ZCCHC14: variants seen among roughly 807,000 people sequenced by gnomAD.
ZCCHC14 encodes zinc finger CCHC-type containing 14.
In ZCCHC14, 16 loss-of-function variants were observed where a neutral mutation model predicts 85.0. That is an observed-to-expected ratio of 0.19 (90% CI 0.13 to 0.29). The LOEUF (loss-of-function observed/expected upper bound fraction) is 0.29, where lower values mean the gene tolerates loss of function less well. Among genes scored for constraint, ZCCHC14 ranks in the 10% least tolerant of loss-of-function variants. The probability of loss-of-function intolerance (pLI) is 1.00; values close to 1 mark genes in which losing one functional copy is unlikely to be tolerated. For synonymous variants in ZCCHC14, 775 were observed against 630.7 expected (o/e 1.23, Z -3.43); for missense variants, 1,303 against 1,443.5 (o/e 0.90, Z 1.58).
In ZCCHC14 at chr16:87,412,064, C is replaced by G. The variant is rs1908482466; in HGVS notation, c.2657G>C (p.Gly886Ala). 1 of 1,610,952 alleles carries G rather than the reference C, an allele frequency of 6.2e-7. No individual in the cohort carries two copies. The highest frequency in any genetic ancestry group is 8.5e-7 in the Non-Finnish European group (1 of 1,179,874). The change falls in exon 12 of 13, where the codon GGT becomes GCT. Residue 886 changes from glycine to alanine, a missense_variant. Coordinates refer to ENST00000671377, the MANE Select transcript of ZCCHC14 (RefSeq NM_015144.3). ...AGGAATGTTTCCTGTGGAGCCGCCA[C>G]CGCCACTGCTGCTATAGAAACTGCT... ...PESSFYSSSG[G>A]GGSTGNIPAS...
chr16:87,426,802 T>C lies in ZCCHC14; in HGVS notation c.769-2921A>G, dbSNP rs568546422. Among the ~76,000 whole-genome samples, 5 of 152,304 alleles carry C rather than the reference T, an allele frequency of 3.3e-5. No individual in the cohort carries two copies. The East Asian group carries it at 9.6e-4, about 29-fold the overall frequency. Reference sequence around the variant, plus strand: ...AGCAGCCAAGGGAAAGCGTGGACTCTAAGAAAACTAAAAAATTTTCATCAA... The same window carrying C: ...AGCAGCCAAGGGAAAGCGTGGACTCCAAGAAAACTAAAAAATTTTCATCAA... On this transcript the variant is annotated intron_variant, in intron 3 of 12. Transcript: ENST00000671377.
At position 87,414,541 on chromosome 16, in the gene ZCCHC14, C is replaced by T; in HGVS notation, c.1476G>A (p.Lys492=). 1.2e-6 allele frequency: 2 copies of T among 1,610,046 alleles called. No individual in the cohort carries two copies. Among genetic ancestry groups the T allele is most frequent in the South Asian group, 1.1e-5 (1 of 90,722 alleles). ...KKLKTQLELE[K]EKSERRCLNP... ...TCAGGCACCGTCTCTCTGACTTCTCCCTGTGAAATAATCAAGCACAGGAAC... is the reference window on the plus strand; with the variant it reads ...TCAGGCACCGTCTCTCTGACTTCTCTCTGTGAAATAATCAAGCACAGGAAC... Residue 492 remains lysine, a splice_region_variant and synonymous_variant, in exon 10 of 13, where the codon AAG becomes AAA. Transcript: ENST00000671377.
Position 87,411,479 on chromosome 16 carries a change from C to G in ZCCHC14, c.3205+37G>C, listed in dbSNP as rs760972584. 3.1e-6 allele frequency: 5 copies of G among 1,607,856 alleles called. No individual in the cohort carries two copies. The South Asian group carries it at 5.5e-5, about 18-fold the overall frequency. On this transcript the variant is annotated intron_variant, in intron 12 of 12. Transcript: ENST00000671377. ...CAAGCATTTGTGTGCACTGGTCCTG[C>G]GGGAGCCTGGTGGGCGCGGCCATGG... is the stretch of plus-strand genomic sequence containing the variant.
intron 3 of ZCCHC14, among the ~76,000 whole-genome samples, chr16:87,427,734 C>T (rs1473569073): frequency 6.6e-6 from 1 of 152,102 alleles, no homozygotes; most frequent in Non-Finnish European, 1.5e-5. Flanking sequence ...ACCTCCCAGG[C>T]TCAAGTGATC....
At chr16:87,479,491 C>T (rs537763100) in intron 1 of ZCCHC14, among the ~76,000 whole-genome samples, 1 of 151,750 alleles carries the variant, frequency 6.6e-6, no homozygotes, top group African/African-American at 2.4e-5. Flanking sequence ...GCAAATGTCC[C>T]AAATAATTAG....
chr16:87,465,599 C>G lies in ZCCHC14; in HGVS notation c.571-5468G>C, dbSNP rs1285940603. Reference sequence around the variant, plus strand: ...CGCCTCTGGCTCTTATGCAATCACCCTTCTTACTGTTACAGTTTAAAGAGA... The same window carrying G: ...CGCCTCTGGCTCTTATGCAATCACCGTTCTTACTGTTACAGTTTAAAGAGA... On this transcript the variant is annotated intron_variant, in intron 1 of 12. Coordinates refer to ENST00000671377, the MANE Select transcript of ZCCHC14 (RefSeq NM_015144.3). 2.0e-5 allele frequency among the ~76,000 whole-genome samples: 3 copies of G among 152,182 alleles called. No individual in the cohort carries two copies. In the East Asian group the frequency reaches 5.8e-4, roughly 29 times the overall value.
chr16:87,419,076 C>A (rs1054458161), intron 6 of ZCCHC14, among the ~76,000 whole-genome samples, 175 bp from the exon 7 acceptor site: 1 of 152,176 alleles, frequency 6.6e-6, no homozygotes, highest in African/African-American at 2.4e-5. Flanking sequence ...CCTGCCTCAG[C>A]CTCCCGAGTA....
intron 1 of ZCCHC14, among the ~76,000 whole-genome samples, chr16:87,477,314 G>A (rs1486980618): frequency 2.6e-5 from 4 of 152,204 alleles, no homozygotes; most frequent in Non-Finnish European, 5.9e-5. Flanking sequence ...TGTGCTGAAT[G>A]AATAAAAACG....
chr16:87,432,795 G>A (rs1183181311), intron 3 of ZCCHC14, among the ~76,000 whole-genome samples: 1 of 152,170 alleles, frequency 6.6e-6, no homozygotes, highest in Admixed American at 6.5e-5. Context: ...TCAGTCTCCA[G>A]AGGCACCACG....
intron 1 of ZCCHC14, among the ~76,000 whole-genome samples, chr16:87,482,838 G>A (rs534734658): frequency 1.8e-4 from 28 of 152,202 alleles, no homozygotes; most frequent in Admixed American, 1.4e-3. Context: ...AGATGGATCC[G>A]TTTGATATAA....
At position 87,491,022 on chromosome 16, in the gene ZCCHC14, G is replaced by T. The variant is rs760144192; in HGVS notation, c.570+647C>A. On this transcript the variant is annotated intron_variant, in intron 1 of 12. Coordinates refer to ENST00000671377, the MANE Select transcript of ZCCHC14 (RefSeq NM_015144.3). The surrounding 1 kb of genome is among the most constrained non-coding windows in gnomAD (Gnocchi z 5.9). ...TCACCTCACCGGCGGCTTCTGGCGT[G>T]GCCACGGCTCCTTCCTTTTCTGGTA... Among the ~76,000 whole-genome samples, 41 of 152,252 alleles carry T rather than the reference G, an allele frequency of 2.7e-4. No individual in the cohort carries two copies. Among genetic ancestry groups the T allele is most frequent in the Non-Finnish European group, 4.8e-4 (33 of 68,050 alleles).
intron 2 of ZCCHC14, among the ~76,000 whole-genome samples, chr16:87,438,927 G>T (rs1910057789): frequency 6.6e-6 from 1 of 152,204 alleles, no homozygotes; most frequent in African/African-American, 2.4e-5. Flanking sequence ...TTACTAATGA[G>T]CAGACCGTAT....
chr16:87,471,540 TAGCCACAGGGC>T (rs1911773011), intron 1 of ZCCHC14: 1 of 152,260 alleles, frequency 6.6e-6, no homozygotes, highest in Non-Finnish European at 1.5e-5. Flanking sequence ...CTTTCACAAA[TAGCCACAGGGC>T]AGCACGGCCT....
At chr16:87,485,728 T>C (rs1324494296) in intron 1 of ZCCHC14, among the ~76,000 whole-genome samples, 2 of 152,118 alleles carry the variant, frequency 1.3e-5, no homozygotes, top group East Asian at 3.8e-4. Context: ...CAAACAAAGA[T>C]GCCCCAGCGC....
intron 1 of ZCCHC14, among the ~76,000 whole-genome samples, chr16:87,468,377 G>C (rs1246820800): frequency 6.6e-6 from 1 of 151,850 alleles, no homozygotes; most frequent in Admixed American, 6.6e-5. Flanking sequence ...GAGAGTATGT[G>C]TCATCACATT....
At chr16:87,478,512 T>C (rs1046861317) in intron 1 of ZCCHC14, among the ~76,000 whole-genome samples, 3 of 152,064 alleles carry the variant, frequency 2.0e-5, no homozygotes, top group African/African-American at 7.3e-5. Flanking sequence ...GCAAGTTCTG[T>C]GAGTATCTAT....
At chr16:87,484,186 A>C (rs1912412064) in intron 1 of ZCCHC14, among the ~76,000 whole-genome samples, 1 of 152,214 alleles carries the variant, frequency 6.6e-6, no homozygotes, top group African/African-American at 2.4e-5. Context: ...CATGTTTTTT[A>C]CACGTGAAAT....
intron 1 of ZCCHC14, among the ~76,000 whole-genome samples, chr16:87,486,604 G>A (rs891436297): frequency 6.7e-6 from 1 of 150,350 alleles, no homozygotes; most frequent in Admixed American, 6.6e-5. Flanking sequence ...CCCGTATCAT[G>A]TACTGTACTT....
At chr16:87,418,494 C>A (rs1908915187) in intron 7 of ZCCHC14, among the ~76,000 whole-genome samples, 1 of 152,200 alleles carries the variant, frequency 6.6e-6, no homozygotes, top group Admixed American at 6.5e-5. Context: ...CGGCATACGA[C>A]TGCAGCTACC....
Sources: allele counts gnomAD v4.1 joint callset (sites outside exome capture counted in the v4.1 genomes callset), GRCh38; gene constraint gnomAD v4.1.1; non-coding constraint Gnocchi (gnomAD v3.1); transcripts MANE v1.5; gene names NCBI Gene and HGNC (gene_info 2026-07-23, HGNC 2026-07-21).